TRAPPC8: variants seen among roughly 807,000 people sequenced by gnomAD.
TRAPPC8 encodes the protein general sporulation gene 1 homolog.
In TRAPPC8, 54 loss-of-function variants were observed where a neutral mutation model predicts 174.3. The observed-to-expected ratio is 0.31, with a 90% CI of 0.25 to 0.39. TRAPPC8 has a LOEUF of 0.39. TRAPPC8 is among the 10% of genes least tolerant of loss of function. The probability of loss-of-function intolerance (pLI) is 1.00; values close to 1 mark genes in which losing one functional copy is unlikely to be tolerated. For missense variants in TRAPPC8, 1,531 were observed against 1,699.1 expected, an observed-to-expected ratio of 0.90 and a Z score of 1.74; for synonymous variants, 630 against 579.9, an observed-to-expected ratio of 1.09 and a Z score of -1.24.
intron 6 of TRAPPC8, 32 bp from the exon 7 acceptor site, chr18:31,909,042 C>A: frequency 6.4e-7 from 1 of 1,557,906 alleles, no homozygotes; most frequent in South Asian, 1.2e-5. Context: ...CTTTTACTCT[C>A]AGAATGCAAC....
intron 14 of TRAPPC8, among the ~76,000 whole-genome samples, chr18:31,872,813 T>C (rs144085530): frequency 6.6e-6 from 1 of 152,176 alleles, no homozygotes; most frequent in East Asian, 1.9e-4. Context: ...AATAGAATAT[T>C]TTACTAACAT....
rs759771240 is a variant in TRAPPC8, at chr18:31,867,521, A to G, written c.2389-45T>C. The G allele has an allele frequency of 5.4e-6, 7 of 1,288,602 alleles. No homozygotes were observed. The Admixed American group carries it at 9.3e-5, about 17-fold the overall frequency. 79.8% of individuals were successfully genotyped at this position (1,288,602 alleles called of 1,614,324 possible). ...AATTATACATTCCAATGAACAAAGT[A>G]TCAGATTATTAACACTCCTATATAT... On this transcript the variant is annotated intron_variant, in intron 16 of 28. Coordinates refer to ENST00000283351, the MANE Select transcript of TRAPPC8 (RefSeq NM_014939.5).
intron 12 of TRAPPC8, among the ~76,000 whole-genome samples, chr18:31,882,639 C>CA (rs2035510451): frequency 6.6e-6 from 1 of 151,838 alleles, no homozygotes; most frequent in South Asian, 2.1e-4. Flanking sequence ...TTTTTCGAGA[C>CA]AGAGTCTCGC....
chr18:31,846,776 A>G lies in TRAPPC8; in HGVS notation c.3777T>C (p.Gly1259=), dbSNP rs758119289. The G allele has an allele frequency of 2.5e-6, 4 of 1,613,012 alleles. No homozygotes were observed. Among genetic ancestry groups the G allele is most frequent in the Non-Finnish European group, 3.4e-6 (4 of 1,179,270 alleles). The change falls in exon 26 of 29, where the codon GGT becomes GGC. Residue 1259 remains glycine, a synonymous_variant. Transcript: ENST00000283351. ...VEDSKQLILE[G]QHHVILRTIG... The stretch of plus-strand genomic sequence containing the variant: ...TAGTGCGAAGAATAACATGATGTTG[A>G]CCTTCCAAAATAAGCTGTTTACTGT...
chr18:31,891,050 A>G (rs1402487755), intron 11 of TRAPPC8, 184 bp from the exon 12 acceptor site: 1 of 369,368 alleles, frequency 2.7e-6, no homozygotes, highest in Non-Finnish European at 4.6e-6. Flanking sequence ...AAATTCTTTT[A>G]AGCTTTGAAA....
At chr18:31,941,636 A>G (rs1331531395) in intron 1 of TRAPPC8, among the ~76,000 whole-genome samples, 2 of 152,162 alleles carry the variant, frequency 1.3e-5, no homozygotes, top group Non-Finnish European at 2.9e-5. Flanking sequence ...TAATGGAACT[A>G]TTCTCCCAAA....
At chr18:31,897,989 G>A in intron 10 of TRAPPC8, 98 bp from the exon 11 acceptor site, 2 of 1,071,634 alleles carry the variant, frequency 1.9e-6, no homozygotes, top group Non-Finnish European at 2.7e-6. Context: ...AGTTTTAGAG[G>A]ATAGTTGCAG....
intron 2 of TRAPPC8, among the ~76,000 whole-genome samples, chr18:31,928,928 C>T (rs912753700): frequency 1.3e-5 from 2 of 152,132 alleles, no homozygotes; most frequent in Non-Finnish European, 1.5e-5. Context: ...CGCCTGTAAT[C>T]CCAGCACTTT....
intron 27 of TRAPPC8, among the ~76,000 whole-genome samples, chr18:31,832,849 T>C (rs1315968343): frequency 1.3e-5 from 2 of 152,210 alleles, no homozygotes; most frequent in Non-Finnish European, 2.9e-5. Context: ...CAGGGTTATA[T>C]ACTATTATCT....
At chr18:31,868,466 A>G (rs1029137485) in intron 16 of TRAPPC8, among the ~76,000 whole-genome samples, 2 of 152,184 alleles carry the variant, frequency 1.3e-5, no homozygotes, top group East Asian at 3.8e-4. Flanking sequence ...TAATATACTT[A>G]AAAAGCTAAT....
intron 12 of TRAPPC8, among the ~76,000 whole-genome samples, chr18:31,875,917 T>C (rs1406831353): frequency 6.6e-6 from 1 of 150,644 alleles, no homozygotes; most frequent in Non-Finnish European, 1.5e-5. Flanking sequence ...CCAGGGAGAG[T>C]GGGTGATAGA....
chr18:31,872,744 G>C (rs964765306), intron 14 of TRAPPC8, among the ~76,000 whole-genome samples: 1 of 152,000 alleles, frequency 6.6e-6, no homozygotes, highest in African/African-American at 2.4e-5. Context: ...ATAAGCAAAA[G>C]ATGGAAACAG....
At position 31,832,002 on chromosome 18, in the gene TRAPPC8, C is replaced by A. The variant is rs375624916; in HGVS notation, c.4073+82G>T. 5.3e-5 allele frequency: 49 copies of A among 919,328 alleles called. No individual in the cohort carries two copies. The Middle Eastern group carries it at 8.8e-4, about 17-fold the overall frequency. The allele number at this position is 919,328 out of a possible 1,614,324, so 56.9% of individuals were successfully genotyped here. A position where few individuals can be genotyped will look rare whatever the true frequency, so the allele number is the denominator to read the frequency against. ...GGACAAGCTTGAGTAACTTTCTTATCCATGTTAGGTAATTATTTGCATAAT... is the reference window on the plus strand; with the variant it reads ...GGACAAGCTTGAGTAACTTTCTTATACATGTTAGGTAATTATTTGCATAAT... On this transcript the variant is annotated intron_variant, in intron 28 of 28. Coordinates refer to ENST00000283351, the MANE Select transcript of TRAPPC8 (RefSeq NM_014939.5).
At chr18:31,874,238 A>T (rs2035030635) in intron 13 of TRAPPC8, 2 of 464,820 alleles carry the variant, frequency 4.3e-6, no homozygotes, top group African/African-American at 2.0e-5. Flanking sequence ...TTTTTTTTTT[A>T]AGATTCTAAG....
At chr18:31,895,180 T>C (rs2036132933) in intron 11 of TRAPPC8, among the ~76,000 whole-genome samples, 1 of 152,188 alleles carries the variant, frequency 6.6e-6, no homozygotes, top group Non-Finnish European at 1.5e-5. Context: ...AGCTCAGGAA[T>C]GTCAAGAGTA....
At chr18:31,857,287 T>G (rs889577768) in intron 20 of TRAPPC8, among the ~76,000 whole-genome samples, 2 of 152,196 alleles carry the variant, frequency 1.3e-5, no homozygotes, top group Non-Finnish European at 2.9e-5. Context: ...CTACAGTACT[T>G]AAATCGTATC....
intron 1 of TRAPPC8, among the ~76,000 whole-genome samples, chr18:31,935,547 T>G (rs1418428095): frequency 1.5e-3 from 1 of 688 alleles, no homozygotes; most frequent in African/African-American, 2.7e-3. Context: ...AAACTCCATC[T>G]TAAAAAAAAA....
chr18:31,880,764 C>G (rs931704727), intron 12 of TRAPPC8, among the ~76,000 whole-genome samples: 1 of 152,056 alleles, frequency 6.6e-6, no homozygotes, highest in Non-Finnish European at 1.5e-5. Flanking sequence ...CTAAAGATTC[C>G]TCCTAAAGAC....
chr18:31,873,518 T>C lies in TRAPPC8; in HGVS notation c.1974A>G (p.Pro658=), dbSNP rs1410700723. The part of the protein sequence containing the change: ...YVYKNVSQLS[P]DGPLPQLPLP... ...AAGGAAGCTGTGGCAAAGGACCATC[T>C]GGTGACAGCTGACTTACATTCTGAG... Residue 658 remains proline, a synonymous_variant, in exon 14 of 29, where the codon CCA becomes CCG. Coordinates refer to ENST00000283351, the MANE Select transcript of TRAPPC8 (RefSeq NM_014939.5). The C allele has an allele frequency of 8.1e-6, 13 of 1,612,946 alleles. No homozygotes were observed. Among genetic ancestry groups the C allele is most frequent in the Non-Finnish European group, 1.1e-5 (13 of 1,179,532 alleles).
Sources: gnomAD v4.1 joint callset for allele counts (sites outside exome capture counted in the v4.1 genomes callset) on GRCh38, gnomAD v4.1.1 for gene constraint, MANE v1.5 for transcripts, NCBI Gene and HGNC (gene_info 2026-07-23, HGNC 2026-07-21) for gene names.